Variants in STK39 observed in about 807,000 individuals in gnomAD.
STK39 encodes the protein serine/threonine kinase 39, also known as STE20/SPS1-related proline-alanine-rich protein kinase.
In STK39, 20 loss-of-function variants were observed where a neutral mutation model predicts 77.8. That is an observed-to-expected ratio of 0.26 (90% CI 0.18 to 0.37). The LOEUF is 0.37. Among genes scored for constraint, STK39 ranks in the 10% least tolerant of loss-of-function variants. STK39 has a pLI of 1.00. For synonymous variants in STK39, 246 were observed against 234.1 expected, an observed-to-expected ratio of 1.05 and a Z score of -0.47; for missense variants, 479 against 656.5, an observed-to-expected ratio of 0.73 and a Z score of 2.95.
At chr2:167,999,854 C>T (rs1387143950) in intron 16 of STK39, among the ~76,000 whole-genome samples, 6 of 152,194 alleles carry the variant, frequency 3.9e-5, no homozygotes, top group African/African-American at 1.4e-4. Flanking sequence ...CCTCCCGCTA[C>T]TTCTGCATGG....
At chr2:168,168,450 C>T (rs1688741583) in intron 2 of STK39, among the ~76,000 whole-genome samples, 1 of 152,092 alleles carries the variant, frequency 6.6e-6, no homozygotes, top group Admixed American at 6.5e-5. Context: ...ATCAAAGAAA[C>T]CTCATTTTTG....
chr2:168,171,868 C>CG (rs1380263547), intron 2 of STK39, among the ~76,000 whole-genome samples: 1 of 121,020 alleles, frequency 8.3e-6, no homozygotes, highest in East Asian at 2.9e-4. Flanking sequence ...CCCCTCCCCC[C>CG]CACACACAAA....
At chr2:168,242,956 A>C (rs889146850) in intron 1 of STK39, among the ~76,000 whole-genome samples, 3 of 150,884 alleles carry the variant, frequency 2.0e-5, no homozygotes, top group Non-Finnish European at 4.4e-5. Context: ...TTATTAAAAA[A>C]GAAAGTGAAA....
intron 12 of STK39, among the ~76,000 whole-genome samples, chr2:168,068,336 C>T (rs1420583455): frequency 6.6e-6 from 1 of 152,200 alleles, no homozygotes; most frequent in Non-Finnish European, 1.5e-5. Context: ...ACAACATCTG[C>T]TTTCCAATTT....
At chr2:168,014,585 A>G (rs1242890129) in intron 15 of STK39, among the ~76,000 whole-genome samples, 1 of 150,938 alleles carries the variant, frequency 6.6e-6, no homozygotes, top group Non-Finnish European at 1.5e-5. Context: ...TCTGAACATG[A>G]TTTAGCTTTC....
chr2:168,169,492 T>C (rs1688769273), intron 2 of STK39, among the ~76,000 whole-genome samples: 1 of 152,184 alleles, frequency 6.6e-6, no homozygotes, highest in African/African-American at 2.4e-5. Flanking sequence ...AAACAACTAA[T>C]GGTCATACAA....
At chr2:167,995,502 G>A (rs1415705243) in intron 16 of STK39, among the ~76,000 whole-genome samples, 2 of 152,130 alleles carry the variant, frequency 1.3e-5, no homozygotes, top group Admixed American at 1.3e-4. Flanking sequence ...TTTTCATGAG[G>A]AGTCCCCAAG....
intron 10 of STK39, among the ~76,000 whole-genome samples, chr2:168,082,768 T>C (rs1686269182): frequency 6.6e-6 from 1 of 152,228 alleles, no homozygotes; most frequent in Non-Finnish European, 1.5e-5. Context: ...TTCTTAGTCT[T>C]GTTTTCCAAG....
rs113432579 is a variant in STK39 at position 167,969,123 on chromosome 2, T to C, written c.1499-4397A>G. Among the ~76,000 whole-genome samples the C allele has an allele frequency of 2.8e-3, 429 of 152,342 alleles. 1 individual carries two copies. The highest frequency in any genetic ancestry group is 9.8e-3 in the African/African-American group (409 of 41,580). Reference sequence around the variant, plus strand: ...GAAGATATTAATGGTGCCTCACTGATAGGGTTTGTTTTGAGGATTAATTCA... The same window carrying C: ...GAAGATATTAATGGTGCCTCACTGACAGGGTTTGTTTTGAGGATTAATTCA... On this transcript the variant is annotated intron_variant, in intron 16 of 17. Coordinates refer to ENST00000355999, the MANE Select transcript of STK39 (RefSeq NM_013233.3).
intron 1 of STK39, among the ~76,000 whole-genome samples, chr2:168,196,676 T>C (rs968559261): frequency 9.9e-5 from 15 of 152,162 alleles, no homozygotes; most frequent in African/African-American, 3.1e-4. Flanking sequence ...TAATTTCAGA[T>C]TGCAGTTAAG....
intron 2 of STK39, among the ~76,000 whole-genome samples, chr2:168,179,998 T>C (rs1689044610): frequency 7.1e-6 from 1 of 141,358 alleles, no homozygotes; most frequent in African/African-American, 2.7e-5. Flanking sequence ...TCTGTATCAA[T>C]ATTCTGCTAA....
chr2:168,139,783 G>A (rs560764424), intron 7 of STK39, among the ~76,000 whole-genome samples: 4 of 152,112 alleles, frequency 2.6e-5, no homozygotes, highest in African/African-American at 9.6e-5. Context: ...AAGAAGAGCA[G>A]AAACGTGAAA....
At chr2:168,054,416 A>C (rs1478280621) in intron 14 of STK39, among the ~76,000 whole-genome samples, 11 of 152,270 alleles carry the variant, frequency 7.2e-5, no homozygotes, top group African/African-American at 2.4e-4. Context: ...TGATGATTAA[A>C]CAAGACACAG....
At chr2:168,080,147 T>C (rs1686189008) in intron 10 of STK39, among the ~76,000 whole-genome samples, 3 of 152,226 alleles carry the variant, frequency 2.0e-5, no homozygotes, top group African/African-American at 7.2e-5. Context: ...GCAAAGAGAC[T>C]GGAGGCATTT....
At chr2:168,069,883 T>C (rs1685895216) in intron 12 of STK39, among the ~76,000 whole-genome samples, 1 of 152,190 alleles carries the variant, frequency 6.6e-6, no homozygotes, top group African/African-American at 2.4e-5. Flanking sequence ...AAAAAGAGTG[T>C]TACTTTAATA....
Position 168,126,768 on chromosome 2 carries a change from G to C in STK39, c.1089+2773C>G, listed in dbSNP as rs571897912. On this transcript the variant is annotated intron_variant, in intron 10 of 17. Transcript: ENST00000355999. ...GGCAGAGTATGTCAAAGAACCTACA[G>C]GTGAGGGGTGGAGTATAGCTGATAA... 2.6e-5 allele frequency among the ~76,000 whole-genome samples: 4 copies of C among 152,284 alleles called. No homozygotes were observed. In the South Asian group the frequency reaches 8.3e-4, roughly 32 times the overall value.
chr2:168,122,601 A>G lies in STK39; in HGVS notation c.1089+6940T>C, dbSNP rs1006070836. On this transcript the variant is annotated intron_variant, in intron 10 of 17. Transcript: ENST00000355999. ...AGCACAGGCACACACCACCATGCCC[A>G]GCTAAATTTTTTTTTTGTAGAGACA... 3.3e-5 allele frequency among the ~76,000 whole-genome samples: 5 copies of G among 152,092 alleles called. No homozygotes were observed. The South Asian group carries it at 8.3e-4, about 25-fold the overall frequency.
chr2:167,977,571 C>CG (rs762376680), intron 16 of STK39, among the ~76,000 whole-genome samples: 1 of 140,536 alleles, frequency 7.1e-6, no homozygotes, highest in African/African-American at 2.8e-5. Context: ...TTACTTGCTT[C>CG]GGAAAAAAAA....
At chr2:168,226,134 A>T (rs1690298697) in intron 1 of STK39, among the ~76,000 whole-genome samples, 1 of 152,158 alleles carries the variant, frequency 6.6e-6, no homozygotes, top group African/African-American at 2.4e-5. Flanking sequence ...ACAGCCAGAG[A>T]AGCAGGTGGG....
Sources: gnomAD v4.1 joint callset for allele counts (sites outside exome capture counted in the v4.1 genomes callset) on GRCh38, gnomAD v4.1.1 for gene constraint, MANE v1.5 for transcripts, NCBI Gene and HGNC (gene_info 2026-07-23, HGNC 2026-07-21) for gene names.